Variants in DGKI observed in about 807,000 individuals in gnomAD.
DGKI encodes the protein diacylglycerol kinase iota, also known as DAG kinase iota.
DGKI carries 55 observed loss-of-function variants against 147.5 expected under a neutral mutation model. That is an observed-to-expected ratio of 0.37 (90% CI 0.30 to 0.47). The LOEUF (loss-of-function observed/expected upper bound fraction) is 0.47, where lower values mean the gene tolerates loss of function less well. Ranked by LOEUF, DGKI falls within the 20% of genes least tolerant of loss-of-function variation. The pLI, the probability that DGKI is intolerant of heterozygous loss-of-function variation, is 1.00. For missense variants in DGKI, 1,007 were observed against 1,323.8 expected (o/e 0.76, Z 3.71); for synonymous variants, 469 against 477.1 (o/e 0.98, Z 0.22).
At chr7:137,708,226 A>G (rs534226641) in intron 1 of DGKI, among the ~76,000 whole-genome samples, 1 of 152,372 alleles carries the variant, frequency 6.6e-6, no homozygotes, top group South Asian at 2.1e-4. Flanking sequence ...TCTTTGAGAC[A>G]ACCATAACTT....
intron 12 of DGKI, among the ~76,000 whole-genome samples, chr7:137,587,668 G>A (rs988899219): frequency 2.0e-5 from 3 of 152,224 alleles, no homozygotes; most frequent in East Asian, 1.9e-4. Flanking sequence ...TACCTCACAC[G>A]ATTGTTTACT....
intron 23 of DGKI, among the ~76,000 whole-genome samples, chr7:137,474,771 C>G (rs1236393063): frequency 6.6e-6 from 1 of 152,096 alleles, no homozygotes; most frequent in East Asian, 1.9e-4. Context: ...TGGGATCCAG[C>G]CCCAATTAAG....
intron 1 of DGKI, among the ~76,000 whole-genome samples, chr7:137,765,859 T>A (rs2116826412): frequency 6.6e-6 from 1 of 152,244 alleles, no homozygotes; most frequent in African/African-American, 2.4e-5. Flanking sequence ...GGAGACACAC[T>A]CTATTGTCAA....
chr7:137,639,353 A>C (rs1196467478), intron 6 of DGKI, among the ~76,000 whole-genome samples: 2 of 152,188 alleles, frequency 1.3e-5, no homozygotes, highest in African/African-American at 4.8e-5. Flanking sequence ...AGGAAGAAGG[A>C]CAGAAGCCAT....
chr7:137,473,398 A>C (rs913476826), intron 23 of DGKI, among the ~76,000 whole-genome samples: 18 of 152,144 alleles, frequency 1.2e-4, no homozygotes, highest in Middle Eastern at 3.2e-3. Context: ...TGAACTCTCC[A>C]AAATTGTATG....
At chr7:137,575,440 A>G (rs1174332189) in intron 17 of DGKI, among the ~76,000 whole-genome samples, 1 of 152,210 alleles carries the variant, frequency 6.6e-6, no homozygotes, top group Non-Finnish European at 1.5e-5. Context: ...AGGAAGTTAC[A>G]GAGTTTGATA....
rs2116311386 is a variant in DGKI at position 137,664,253 on chromosome 7, C to G, written c.607-7713G>C. On this transcript the variant is annotated intron_variant, in intron 3 of 32. Transcript: ENST00000614521. ...ATTAGCTGGGCATGGTGGCGGGCGC[C>G]TGTAATCCCAGCTACCCGGGAGGCT... Among the ~76,000 whole-genome samples, 4 of 151,910 alleles carry G rather than the reference C, an allele frequency of 2.6e-5. No homozygotes were observed. The South Asian group carries it at 8.3e-4, about 32-fold the overall frequency.
intron 3 of DGKI, among the ~76,000 whole-genome samples, chr7:137,678,341 T>A (rs890659667): frequency 1.3e-5 from 2 of 152,206 alleles, no homozygotes; most frequent in Non-Finnish European, 2.9e-5. Flanking sequence ...CACCAAGGCC[T>A]GGCCTGCATA....
At chr7:137,705,943 G>A (rs1794007762) in intron 1 of DGKI, among the ~76,000 whole-genome samples, 1 of 151,824 alleles carries the variant, frequency 6.6e-6, no homozygotes, top group South Asian at 2.1e-4. Context: ...TTATTTATGA[G>A]CCCACAAAAC....
intron 28 of DGKI, among the ~76,000 whole-genome samples, chr7:137,436,156 G>T (rs1317260743): frequency 6.6e-6 from 1 of 152,036 alleles, no homozygotes; most frequent in African/African-American, 2.4e-5. Context: ...ATCTCTTTAA[G>T]GGAATAGCTA....
chr7:137,425,332 A>G (rs1165472813), intron 28 of DGKI, among the ~76,000 whole-genome samples: 2 of 152,198 alleles, frequency 1.3e-5, no homozygotes, highest in Non-Finnish European at 2.9e-5. Flanking sequence ...ACCTGCAGCT[A>G]AGGGTCCTGT....
At chr7:137,557,623 T>A (rs1462273963) in intron 19 of DGKI, among the ~76,000 whole-genome samples, 1 of 152,140 alleles carries the variant, frequency 6.6e-6, no homozygotes, top group Non-Finnish European at 1.5e-5. Flanking sequence ...AGTAAGTATT[T>A]CTTCCCATCT....
chr7:137,785,977 G>C (rs1051798647), intron 1 of DGKI, among the ~76,000 whole-genome samples: 3 of 151,942 alleles, frequency 2.0e-5, no homozygotes, highest in Non-Finnish European at 4.4e-5. Context: ...TAACTTAAGG[G>C]AATAAAAGCC....
rs146326297 is a variant in DGKI at position 137,513,730 on chromosome 7, C to T, written c.2248+8136G>A. 9 of 466,824 alleles carry T rather than the reference C, an allele frequency of 1.9e-5. No individual in the cohort carries two copies. The East Asian group carries it at 4.5e-4, about 23-fold the overall frequency. The allele number at this position is 466,824 out of a possible 1,614,324, so 28.9% of individuals were successfully genotyped here. A position where few individuals can be genotyped will look rare whatever the true frequency, so the allele number is the denominator to read the frequency against. Reference sequence around the variant, plus strand: ...GTACAGCATGTTACTGTACTGAATACTGCAGGCAATTGTAACACAATGGCA... The same window carrying T: ...GTACAGCATGTTACTGTACTGAATATTGCAGGCAATTGTAACACAATGGCA... On this transcript the variant is annotated intron_variant, in intron 21 of 32. Coordinates refer to ENST00000614521, the MANE Select transcript of DGKI (RefSeq NM_001321708.2).
chr7:137,686,593 A>G (rs184270213), intron 2 of DGKI, among the ~76,000 whole-genome samples: 6 of 152,332 alleles, frequency 3.9e-5, no homozygotes, highest in African/African-American at 1.4e-4. Flanking sequence ...AGAGAGAGAG[A>G]CTGTATATAT....
At chr7:137,747,888 A>C (rs1241435613) in intron 1 of DGKI, among the ~76,000 whole-genome samples, 2 of 152,218 alleles carry the variant, frequency 1.3e-5, no homozygotes, top group Admixed American at 6.5e-5. Flanking sequence ...TGTTTTGCTA[A>C]ATTGATCAGA....
intron 6 of DGKI, among the ~76,000 whole-genome samples, chr7:137,636,043 G>A (rs1291579946): frequency 4.6e-5 from 7 of 152,236 alleles, no homozygotes; most frequent in African/African-American, 9.7e-5. Flanking sequence ...CCTGACAGGA[G>A]TAATTGATCC....
intron 1 of DGKI, among the ~76,000 whole-genome samples, chr7:137,839,321 T>C (rs1798482125): frequency 6.6e-6 from 1 of 152,236 alleles, no homozygotes; most frequent in Admixed American, 6.5e-5. Flanking sequence ...AACCTGTCAG[T>C]TAAATTTCTC....
At chr7:137,404,837 T>TC (rs1248176098) in intron 30 of DGKI, among the ~76,000 whole-genome samples, 1 of 120 alleles carries the variant, frequency 8.3e-3, no homozygotes, top group Non-Finnish European at 0.016. Context: ...TGACTCAGTC[T>TC]TGCAAGAGTC....
Sources: allele counts gnomAD v4.1 joint callset (sites outside exome capture counted in the v4.1 genomes callset), GRCh38; gene constraint gnomAD v4.1.1; transcripts MANE v1.5; gene names NCBI Gene and HGNC (gene_info 2026-07-23, HGNC 2026-07-21).